GCH1: variants seen among roughly 807,000 people sequenced by gnomAD.
The protein encoded by GCH1 is GTP cyclohydrolase I.
GCH1 carries 5 observed loss-of-function variants against 25.9 expected under a neutral mutation model. That is an observed-to-expected ratio of 0.19 (90% CI 0.10 to 0.41). The LOEUF is 0.41. Ranked by LOEUF, GCH1 falls within the 10% of genes least tolerant of loss-of-function variation. The pLI is 1.00. For synonymous variants in GCH1, 159 were observed against 129.6 expected (o/e 1.23, Z -1.54); for missense variants, 261 against 336.5 (o/e 0.78, Z 1.75).
chr14:54,866,747 T>C (rs182485473), intron 1 of GCH1, among the ~76,000 whole-genome samples: 1 of 152,214 alleles, frequency 6.6e-6, no homozygotes, highest in Admixed American at 6.5e-5. Flanking sequence ...AGTCATCACG[T>C]AAACCACAGT....
chr14:54,845,869 G>A lies in GCH1; in HGVS notation c.542-17C>T. 1 of 1,448,300 alleles carries A rather than the reference G, an allele frequency of 6.9e-7. No homozygotes were observed. Among genetic ancestry groups the A allele is most frequent in the Middle Eastern group, 1.7e-4 (1 of 5,750 alleles). The allele number at this position is 1,448,300 out of a possible 1,614,324, so 89.7% of individuals were successfully genotyped here. On this transcript the variant is annotated splice_polypyrimidine_tract_variant and intron_variant, in intron 4 of 5. Coordinates refer to ENST00000491895, the MANE Select transcript of GCH1 (RefSeq NM_000161.3). ...GCTCCTGAACTGTGGATGTGATAAG[G>A]AGCTCAGTTTGAGAGTCTGACACAA...
At chr14:54,901,306 A>T (rs2040562935) in intron 1 of GCH1, among the ~76,000 whole-genome samples, 1 of 152,226 alleles carries the variant, frequency 6.6e-6, no homozygotes, top group African/African-American at 2.4e-5. Flanking sequence ...ACCAAGACAC[A>T]CGGAAGGTGT....
intron 2 of GCH1, among the ~76,000 whole-genome samples, chr14:54,864,442 G>T (rs2039962941): frequency 6.6e-6 from 1 of 152,072 alleles, no homozygotes; most frequent in Non-Finnish European, 1.5e-5. Context: ...TATACCACAT[G>T]TTCTCAAAGG....
chr14:54,847,145 A>T lies in GCH1; in HGVS notation c.510-15T>A. ...TTTCTACAATCCTAGAAAAGAAAGA[A>T]TTGTTTTAGTTAATCACAAATCATT... On this transcript the variant is annotated splice_polypyrimidine_tract_variant and intron_variant, in intron 3 of 5. Coordinates refer to ENST00000491895, the MANE Select transcript of GCH1 (RefSeq NM_000161.3). 1.0e-6 allele frequency: 1 copy of T among 957,850 alleles called. No homozygotes were observed. Among genetic ancestry groups the T allele is most frequent in the Non-Finnish European group, 1.6e-6 (1 of 607,558 alleles). The allele number at this position is 957,850 out of a possible 1,614,324, so 59.3% of individuals were successfully genotyped here. A position where few individuals can be genotyped will look rare whatever the true frequency, so the allele number is the denominator to read the frequency against.
At chr14:54,884,456 C>G (rs947988375) in intron 1 of GCH1, among the ~76,000 whole-genome samples, 1 of 152,114 alleles carries the variant, frequency 6.6e-6, no homozygotes, top group African/African-American at 2.4e-5. Context: ...GCATTGTTTT[C>G]TTTTTTTCTT....
In GCH1 at chr14:54,902,560, G is replaced by A; in HGVS notation, c.104C>T (p.Pro35Leu). The change falls in exon 1 of 6, where the codon CCG (proline) becomes CTG (leucine). Residue 35 changes from proline to leucine, a missense_variant. Physicochemically the swap from Pro to Leu is moderately conservative, Grantham distance 98. Transcript: ENST00000491895. ...RDPPRPGPSRPAEKPPRPEAK... is the reference protein window; with the variant it reads ...RDPPRPGPSRLAEKPPRPEAK... ...CTCGGGCCGCGGGGGCTTCTCCGCC[G>A]GCCTGCTGGGCCCGGGCCGCGGCGG... The A allele has an allele frequency of 4.0e-6, 6 of 1,512,056 alleles. No homozygotes were observed. The highest frequency in any genetic ancestry group is 2.9e-5 in the African/African-American group (2 of 69,360). 93.7% of individuals were successfully genotyped at this position (1,512,056 alleles called of 1,614,324 possible).
At chr14:54,866,167 A>G (rs2039986620) in intron 1 of GCH1, among the ~76,000 whole-genome samples, 1 of 152,028 alleles carries the variant, frequency 6.6e-6, no homozygotes, top group African/African-American at 2.4e-5. Context: ...ATCCTCAACT[A>G]TGCTATGTGC....
chr14:54,881,636 C>T (rs2040273889), intron 1 of GCH1, among the ~76,000 whole-genome samples: 1 of 152,140 alleles, frequency 6.6e-6, no homozygotes, highest in South Asian at 2.1e-4. Context: ...CTACAGACAA[C>T]CAGTCACACC....
Position 54,843,822 on chromosome 14 carries a change from CAAG to C in GCH1, c.*192_*194del, listed in dbSNP as rs767060372. ...CTTTAATATTGCCACAAAAAGGTGG[CAAG>C]AAGAAAGTAGAGGGCTCAACCCTTT... is the stretch of plus-strand genomic sequence containing the variant. On this transcript the variant is annotated 3_prime_UTR_variant, in exon 6 of 6. Transcript: ENST00000491895. 5.0e-6 allele frequency: 8 copies of C among 1,613,572 alleles called. No individual in the cohort carries two copies. The African/African-American group carries it at 9.3e-5, about 19-fold the overall frequency.
chr14:54,889,476 A>G (rs1475729407), intron 1 of GCH1, among the ~76,000 whole-genome samples: 2 of 152,198 alleles, frequency 1.3e-5, no homozygotes, highest in Non-Finnish European at 2.9e-5. Flanking sequence ...GATACATAAA[A>G]CACATCACAC....
intron 2 of GCH1, among the ~76,000 whole-genome samples, chr14:54,860,589 G>A (rs1048583784): frequency 2.1e-5 from 3 of 145,820 alleles, no homozygotes; most frequent in African/African-American, 5.1e-5. Flanking sequence ...CGCCCAGGCT[G>A]GAGTACAGTG....
chr14:54,870,668 A>C (rs2040059529), intron 1 of GCH1, among the ~76,000 whole-genome samples: 1 of 152,206 alleles, frequency 6.6e-6, no homozygotes, highest in Admixed American at 6.5e-5. Context: ...CACTTTTCCA[A>C]CGATCTTAGC....
chr14:54,902,327 T>G lies in GCH1; in HGVS notation c.337A>C (p.Ile113Leu). ...AGCCCGCGGGCGCACTGACCTGAGA[T>G]GGTCTCCTGGTAGCCCTTGGTGAAG... ...QFFTKGYQET[I>L]SDVLNDAIFD... is the part of the protein sequence containing the mutation. The change falls in exon 1 of 6, where the codon ATC (isoleucine) becomes CTC (leucine). Residue 113 changes from isoleucine to leucine, a missense_variant. Physicochemically the swap from Ile to Leu is conservative, Grantham distance 5. Transcript: ENST00000491895. 6.2e-7 allele frequency: 1 copy of G among 1,612,400 alleles called. No homozygotes were observed. The highest frequency in any genetic ancestry group is 1.3e-5 in the African/African-American group (1 of 75,024).
intron 1 of GCH1, among the ~76,000 whole-genome samples, chr14:54,898,812 G>A (rs1197090858): frequency 6.6e-6 from 1 of 152,136 alleles, no homozygotes; most frequent in Non-Finnish European, 1.5e-5. Context: ...TAGAGATGGG[G>A]TTTCAACATG....
Position 54,902,668 on chromosome 14 carries a change from C to G in GCH1, c.-5G>C, listed in dbSNP as rs886050550. ...CCGCACAGGGCCCTTCTCCATGGAC[C>G]CGCCGCAGCCGCTGCCGTTCGGGAA... On this transcript the variant is annotated 5_prime_UTR_variant, in exon 1 of 6. Transcript: ENST00000491895. The G allele has an allele frequency of 2.1e-5, 30 of 1,442,634 alleles. No homozygotes were observed. Among genetic ancestry groups the G allele is most frequent in the Non-Finnish European group, 2.7e-5 (30 of 1,104,302 alleles). 89.4% of individuals were successfully genotyped at this position (1,442,634 alleles called of 1,614,324 possible).
intron 1 of GCH1, among the ~76,000 whole-genome samples, chr14:54,881,541 C>T (rs1454909046): frequency 2.6e-5 from 4 of 152,162 alleles, no homozygotes; most frequent in African/African-American, 9.7e-5. Context: ...TTTGTACTTA[C>T]CAAGACAGAA....
At chr14:54,863,353 T>C (rs1331995726) in intron 2 of GCH1, among the ~76,000 whole-genome samples, 8 of 112,608 alleles carry the variant, frequency 7.1e-5, no homozygotes, top group South Asian at 2.8e-4. Flanking sequence ...ACCCGGGAGG[T>C]GGAGCTTGCA....
chr14:54,868,926 A>G (rs1417632387), intron 1 of GCH1, among the ~76,000 whole-genome samples: 3 of 150,980 alleles, frequency 2.0e-5, no homozygotes, highest in Non-Finnish European at 4.4e-5. Flanking sequence ...TATTTTAGAG[A>G]TGGGATCTTG....
chr14:54,842,957 T>C lies in GCH1; in HGVS notation c.*1060A>G, dbSNP rs899341447. On this transcript the variant is annotated 3_prime_UTR_variant, in exon 6 of 6. Coordinates refer to ENST00000491895, the MANE Select transcript of GCH1 (RefSeq NM_000161.3). ...GCATTTTCACAGATCGTTGGTACGA[T>C]ACGCTTTGGTTAAAACGTTGGACAC... The C allele has an allele frequency of 1.4e-6, 1 of 716,678 alleles. No individual in the cohort carries two copies. Among genetic ancestry groups the C allele is most frequent in the African/African-American group, 1.8e-5 (1 of 55,360 alleles). The allele number at this position is 716,678 out of a possible 1,614,324, so 44.4% of individuals were successfully genotyped here.
Sources: allele counts gnomAD v4.1 joint callset (sites outside exome capture counted in the v4.1 genomes callset), GRCh38; gene constraint gnomAD v4.1.1; transcripts MANE v1.5; gene names NCBI Gene and HGNC (gene_info 2026-07-23, HGNC 2026-07-21).